The following SEPTIN7 variants were observed in gnomAD, a reference collection of about 807,000 sequenced individuals.
The protein encoded by SEPTIN7 is septin 7, also known as septin-7.
A neutral mutation model predicts 63.3 loss-of-function variants in SEPTIN7; 10 were observed. The observed-to-expected ratio is 0.16, with a 90% confidence interval of 0.10 to 0.27. The LOEUF (loss-of-function observed/expected upper bound fraction) is 0.27, where lower values mean the gene tolerates loss of function less well. SEPTIN7 is among the 10% of genes least tolerant of loss of function. SEPTIN7 has a pLI of 1.00. For missense variants in SEPTIN7, 310 were observed against 521.0 expected, an observed-to-expected ratio of 0.59 and a Z score of 3.94; for synonymous variants, 131 against 165.3, an observed-to-expected ratio of 0.79 and a Z score of 1.59.
chr7:35,864,294 T>G (rs1482194516), intron 4 of SEPTIN7, among the ~76,000 whole-genome samples: 1 of 152,160 alleles, frequency 6.6e-6, no homozygotes, highest in Non-Finnish European at 1.5e-5. Context: ...GGTATCCTGT[T>G]AAATTTAGTT....
At chr7:35,874,417 C>A (rs1481490161) in intron 6 of SEPTIN7, among the ~76,000 whole-genome samples, 1 of 151,998 alleles carries the variant, frequency 6.6e-6, no homozygotes, top group Non-Finnish European at 1.5e-5. Flanking sequence ...CTTCTGCTGT[C>A]ATTTTGAGTA....
At chr7:35,818,952 A>T (rs1259460836) in intron 1 of SEPTIN7, among the ~76,000 whole-genome samples, 1 of 150,038 alleles carries the variant, frequency 6.7e-6, no homozygotes, top group Admixed American at 6.6e-5. Flanking sequence ...TGTTTTATGT[A>T]TTTCATTTAT....
chr7:35,909,363 G>C (rs1334795799), downstream of SEPTIN7, among the ~76,000 whole-genome samples: 1 of 152,176 alleles, frequency 6.6e-6, no homozygotes, highest in Non-Finnish European at 1.5e-5. Flanking sequence ...CCATCCCTAA[G>C]AGTCAGGTGC....
intron 4 of SEPTIN7, among the ~76,000 whole-genome samples, chr7:35,865,736 G>A (rs1455654979): frequency 6.6e-6 from 1 of 152,072 alleles, no homozygotes; most frequent in East Asian, 1.9e-4. Context: ...AATATTTTCT[G>A]TCATTTTATT....
At chr7:35,890,528 C>G (rs1787568207) in intron 10 of SEPTIN7, 140 bp from the exon 11 acceptor site, 3 of 638,318 alleles carry the variant, frequency 4.7e-6, no homozygotes, top group Non-Finnish European at 6.7e-6. Flanking sequence ...TGAATGCCAC[C>G]TTCCTTAACA....
chr7:35,878,777 G>A (rs1786638765), intron 6 of SEPTIN7, among the ~76,000 whole-genome samples: 1 of 152,170 alleles, frequency 6.6e-6, no homozygotes, highest in Non-Finnish European at 1.5e-5. Context: ...AAGCGTAGAA[G>A]AGGGAAAATG....
At chr7:35,846,500 T>C (rs1390275919) in intron 3 of SEPTIN7, among the ~76,000 whole-genome samples, 1 of 152,210 alleles carries the variant, frequency 6.6e-6, no homozygotes, top group Non-Finnish European at 1.5e-5. Flanking sequence ...AGTGGAAATC[T>C]CTTTTATTTT....
At position 35,904,378 on chromosome 7, in the gene SEPTIN7, T is replaced by C. The variant is rs1159196096; in HGVS notation, c.*85T>C. 1.9e-5 allele frequency: 21 copies of C among 1,130,858 alleles called. No individual in the cohort carries two copies. The highest frequency in any genetic ancestry group is 2.6e-5 in the Non-Finnish European group (21 of 805,546). The allele number at this position is 1,130,858 out of a possible 1,614,324, so 70.1% of individuals were successfully genotyped here. A position where few individuals can be genotyped will look rare whatever the true frequency, so the allele number is the denominator to read the frequency against. Reference sequence around the variant, plus strand: ...GTTTGTTGGATCCGTTTGACCAATTTGCACCAGTTTTATCCATAATGATGG... The same window carrying C: ...GTTTGTTGGATCCGTTTGACCAATTCGCACCAGTTTTATCCATAATGATGG... On this transcript the variant is annotated 3_prime_UTR_variant, in exon 14 of 14. Coordinates refer to ENST00000350320, the MANE Select transcript of SEPTIN7 (RefSeq NM_001788.6).
intron 3 of SEPTIN7, among the ~76,000 whole-genome samples, chr7:35,835,539 CAGTT>C (rs1784044084): frequency 6.6e-6 from 1 of 152,154 alleles, no homozygotes; most frequent in South Asian, 2.1e-4. Context: ...GTCTACTGCT[CAGTT>C]AGTCTGGGAT....
intron 1 of SEPTIN7, among the ~76,000 whole-genome samples, chr7:35,825,504 A>T (rs1490742700): frequency 6.6e-6 from 1 of 152,146 alleles, no homozygotes; most frequent in Admixed American, 6.5e-5. Context: ...TATCTAAAGG[A>T]TCTGATCCCA....
chr7:35,838,924 T>A (rs754426942), intron 3 of SEPTIN7, among the ~76,000 whole-genome samples: 3 of 152,226 alleles, frequency 2.0e-5, no homozygotes, highest in Non-Finnish European at 4.4e-5. Flanking sequence ...AAAGTGTATA[T>A]GCTTGGTTTG....
At chr7:35,837,093 T>C (rs1326312736) in intron 3 of SEPTIN7, among the ~76,000 whole-genome samples, 3 of 152,202 alleles carry the variant, frequency 2.0e-5, no homozygotes, top group Non-Finnish European at 2.9e-5. Flanking sequence ...TTTAATTTTG[T>C]ACATTCCTTC....
rs1320671781 is a variant in SEPTIN7, at chr7:35,890,655, T to C, written c.873-13T>C. The C allele has an allele frequency of 1.4e-6, 2 of 1,458,022 alleles. No individual in the cohort carries two copies. Among genetic ancestry groups the C allele is most frequent in the Non-Finnish European group, 1.8e-6 (2 of 1,103,858 alleles). 90.3% of individuals were successfully genotyped at this position (1,458,022 alleles called of 1,614,324 possible). A position where few individuals can be genotyped will look rare whatever the true frequency, so the allele number is the denominator to read the frequency against. ...ATTAATAGAAGCAAACTCTTGCTGT[T>C]TGTTTATGACAGAACACACATGCAG... On this transcript the variant is annotated splice_polypyrimidine_tract_variant and intron_variant, in intron 10 of 13. Coordinates refer to ENST00000350320, the MANE Select transcript of SEPTIN7 (RefSeq NM_001788.6).
chr7:35,886,306 A>C (rs778803453), intron 10 of SEPTIN7, among the ~76,000 whole-genome samples: 4 of 152,240 alleles, frequency 2.6e-5, no homozygotes, highest in African/African-American at 9.6e-5. Context: ...GTACTGGAAC[A>C]TAGTGAATAA....
downstream of SEPTIN7, among the ~76,000 whole-genome samples, chr7:35,911,482 G>A (rs1419876108): frequency 1.3e-5 from 2 of 152,184 alleles, no homozygotes; most frequent in Admixed American, 6.5e-5. Flanking sequence ...AGATTGCATT[G>A]CAGAACATGC....
chr7:35,829,128 C>T (rs371491334), intron 1 of SEPTIN7, among the ~76,000 whole-genome samples: 18 of 61,062 alleles, frequency 2.9e-4, no homozygotes, highest in Non-Finnish European at 3.8e-4. Context: ...CATGGACCTT[C>T]TTTTTTTTTT....
In SEPTIN7 at chr7:35,810,806, G is replaced by A. The variant is rs1035242297; in HGVS notation, c.61+9536G>A. ...TTTTGAGACAGAGGCTCGCTCTGTCGCCCAGGCTGGAGTGCAGTGGTGAGA... is the reference window on the plus strand; with the variant it reads ...TTTTGAGACAGAGGCTCGCTCTGTCACCCAGGCTGGAGTGCAGTGGTGAGA... On this transcript the variant is annotated intron_variant, in intron 1 of 13. Transcript: ENST00000350320. 4.7e-5 allele frequency among the ~76,000 whole-genome samples: 7 copies of A among 149,140 alleles called. No individual in the cohort carries two copies. In the South Asian group the frequency reaches 6.4e-4, roughly 14 times the overall value.
chr7:35,832,908 A>T lies in SEPTIN7; in HGVS notation c.169+8A>T. On this transcript the variant is annotated splice_region_variant and intron_variant, in intron 3 of 13. Transcript: ENST00000350320. ...TCACGCTTATGGTAGTGGGTAAGAT[A>T]TGATTTCTTACTAAAATGGAACTTT... 6.7e-7 allele frequency: 1 copy of T among 1,487,586 alleles called. No homozygotes were observed. Among genetic ancestry groups the T allele is most frequent in the Non-Finnish European group, 9.4e-7 (1 of 1,065,686 alleles). The allele number at this position is 1,487,586 out of a possible 1,614,324, so 92.1% of individuals were successfully genotyped here.
chr7:35,807,344 C>T (rs1210746085), intron 1 of SEPTIN7, among the ~76,000 whole-genome samples: 3 of 145,204 alleles, frequency 2.1e-5, no homozygotes, highest in African/African-American at 5.1e-5. Context: ...CCACCATGCC[C>T]GGCTGAATTT....
Sources: allele counts gnomAD v4.1 joint callset (sites outside exome capture counted in the v4.1 genomes callset), GRCh38; gene constraint gnomAD v4.1.1; transcripts MANE v1.5; gene names NCBI Gene and HGNC (gene_info 2026-07-23, HGNC 2026-07-21).